The following LARGE1 variants were observed in gnomAD, a reference collection of about 807,000 sequenced individuals.
LARGE1 encodes the protein xylosyl- and glucuronyltransferase LARGE1.
A neutral mutation model predicts 87.6 loss-of-function variants in LARGE1; 43 were observed. The ratio of observed to expected loss-of-function variants is 0.49; its 90% CI spans 0.38 to 0.63. The LOEUF is 0.63. Among genes scored for constraint, LARGE1 ranks in the 30% least tolerant of loss-of-function variants. LARGE1 has a pLI of 0.00. For synonymous variants in LARGE1, 434 were observed against 394.6 expected (o/e 1.10, Z -1.18); for missense variants, 802 against 1,000.2 (o/e 0.80, Z 2.67).
chr22:33,716,501 C>T (rs1050322423), intron 2 of LARGE1, among the ~76,000 whole-genome samples: 1 of 152,178 alleles, frequency 6.6e-6, no homozygotes, highest in African/African-American at 2.4e-5. Context: ...CTCCCAGGCT[C>T]AAGCAATCCT....
chr22:33,678,540 TTG>T (rs1371227318), intron 2 of LARGE1, among the ~76,000 whole-genome samples: 1 of 152,226 alleles, frequency 6.6e-6, no homozygotes, highest in Non-Finnish European at 1.5e-5. Flanking sequence ...AGCCTCATTA[TTG>T]TCTTTAATTT....
intron 1 of LARGE1, among the ~76,000 whole-genome samples, chr22:33,816,605 T>A (rs2086653108): frequency 6.6e-6 from 1 of 151,852 alleles, no homozygotes; most frequent in Admixed American, 6.6e-5. Flanking sequence ...GGTGTAAACA[T>A]TCAGACCATA....
chr22:33,112,859 C>A, the LARGE1 span, among the ~76,000 whole-genome samples: 5 of 152,144 alleles, frequency 3.3e-5, no homozygotes, highest in African/African-American at 1.2e-4. Flanking sequence ...GGAGAAGTAC[C>A]ACCCCTAACC....
intron 1 of LARGE1, among the ~76,000 whole-genome samples, chr22:33,880,848 T>C (rs1021364817): frequency 1.3e-5 from 2 of 152,348 alleles, no homozygotes; most frequent in Middle Eastern, 3.4e-3. Flanking sequence ...GTGCCCATTC[T>C]GTGGACAGCC....
At chr22:33,871,660 C>T (rs1413948511) in intron 1 of LARGE1, among the ~76,000 whole-genome samples, 3 of 152,162 alleles carry the variant, frequency 2.0e-5, no homozygotes, top group African/African-American at 7.2e-5. Flanking sequence ...TTCCCCTGCA[C>T]ATAAGCGTGC....
chr22:33,068,862 C>G, the LARGE1 span, among the ~76,000 whole-genome samples: 2 of 152,090 alleles, frequency 1.3e-5, no homozygotes, highest in Non-Finnish European at 2.9e-5. Context: ...AAAGCTTTAC[C>G]TGGTTGGCCT....
intron 6 of LARGE1, among the ~76,000 whole-genome samples, chr22:33,552,767 T>C (rs1452879271): frequency 6.6e-6 from 1 of 152,258 alleles, no homozygotes; most frequent in Non-Finnish European, 1.5e-5. Flanking sequence ...GTCAAGTTGC[T>C]TTTGTAAGTC....
intron 7 of LARGE1, among the ~76,000 whole-genome samples, chr22:33,423,679 C>CAA (rs57917109): frequency 0.14 from 16,985 of 119,106 alleles, 1,890 homozygotes; most frequent in African/African-American, 0.28. Flanking sequence ...GATTCTGTCT[C>CAA]AAAAAAAAAA....
At chr22:33,885,327 G>A (rs1235769697) in intron 1 of LARGE1, among the ~76,000 whole-genome samples, 1 of 152,204 alleles carries the variant, frequency 6.6e-6, no homozygotes, top group African/African-American at 2.4e-5. Context: ...GGAGGGGGCA[G>A]CTCCAACTCC....
intron 6 of LARGE1, among the ~76,000 whole-genome samples, chr22:33,467,725 G>C (rs1007764868): frequency 6.6e-6 from 1 of 152,204 alleles, no homozygotes; most frequent in Non-Finnish European, 1.5e-5. Context: ...AGTGACCCAG[G>C]CTTCATTACT....
chr22:33,907,258 T>G (rs2065481332), intron 1 of LARGE1, among the ~76,000 whole-genome samples: 1 of 152,150 alleles, frequency 6.6e-6, no homozygotes, highest in Non-Finnish European at 1.5e-5. Flanking sequence ...ACAAGGGCAG[T>G]GCCATAAAAA....
chr22:33,281,745 G>C (rs150815519), intron 13 of LARGE1, among the ~76,000 whole-genome samples: 2 of 152,258 alleles, frequency 1.3e-5, no homozygotes, highest in African/African-American at 2.4e-5. Flanking sequence ...AAGAAGCCTG[G>C]AGTTTGAGTC....
intron 4 of LARGE1, among the ~76,000 whole-genome samples, chr22:33,620,561 ATCTTTCT>A (rs1241244951): frequency 6.6e-6 from 1 of 152,148 alleles, no homozygotes; most frequent in East Asian, 1.9e-4. Flanking sequence ...TTTCTCATCC[ATCTTTCT>A]TCTTCACCAT....
intron 3 of LARGE1, among the ~76,000 whole-genome samples, chr22:33,630,649 A>C (rs892980097): frequency 1.3e-5 from 2 of 152,192 alleles, no homozygotes; most frequent in Non-Finnish European, 1.5e-5. Flanking sequence ...AGTTCACAGA[A>C]ATCGAAGTAG....
the LARGE1 span, among the ~76,000 whole-genome samples, chr22:33,104,883 T>C: frequency 2.0e-5 from 1 of 48,802 alleles, no homozygotes; most frequent in Non-Finnish European, 6.4e-5. Flanking sequence ...TCAATAGACT[T>C]TCTCTCTCTT....
chr22:33,497,071 C>CTTTT (rs5845088), intron 6 of LARGE1, among the ~76,000 whole-genome samples: 6 of 133,958 alleles, frequency 4.5e-5, no homozygotes, highest in African/African-American at 8.4e-5. Context: ...CTTTTCTTTT[C>CTTTT]TTTTTTTTTT....
At chr22:33,193,957 TTA>T (rs992590962) in intron 11 of LARGE1, among the ~76,000 whole-genome samples, 5 of 147,956 alleles carry the variant, frequency 3.4e-5, no homozygotes, top group Admixed American at 6.8e-5. Flanking sequence ...GTTTTATATG[TTA>T]TATATGTTTA....
chr22:33,609,352 A>T (rs1034862743), intron 4 of LARGE1, among the ~76,000 whole-genome samples: 1 of 152,170 alleles, frequency 6.6e-6, no homozygotes, highest in Non-Finnish European at 1.5e-5. Context: ...TATGCAGGAC[A>T]CTCTCAGAGT....
intron 4 of LARGE1, among the ~76,000 whole-genome samples, chr22:33,612,119 C>A (rs2149014824): frequency 6.6e-6 from 1 of 152,152 alleles, no homozygotes; most frequent in East Asian, 1.9e-4. Flanking sequence ...CACCCACCCC[C>A]AGTGAAAGAG....
Sources: gnomAD v4.1 joint callset for allele counts (sites outside exome capture counted in the v4.1 genomes callset) on GRCh38, gnomAD v4.1.1 for gene constraint, MANE v1.5 for transcripts, NCBI Gene and HGNC (gene_info 2026-07-23, HGNC 2026-07-21) for gene names.